EDARADD: variants seen among roughly 807,000 people sequenced by gnomAD.
The protein encoded by EDARADD is EDAR associated via death domain, also known as ectodysplasin-A receptor-associated adapter protein.
EDARADD carries 20 observed loss-of-function variants against 25.6 expected under a neutral mutation model. The observed-to-expected ratio is 0.78, with a 90% CI of 0.55 to 1.14. EDARADD has a LOEUF of 1.14. Ranked by LOEUF, EDARADD falls within the 50% of genes most tolerant of loss-of-function variation. The pLI is 0.00. For missense variants in EDARADD, 225 were observed against 270.1 expected, an observed-to-expected ratio of 0.83 and a Z score of 1.17; for synonymous variants, 86 against 94.4, an observed-to-expected ratio of 0.91 and a Z score of 0.52.
chr1:236,357,397 A>C (rs941300109), intron 3 of EDARADD, among the ~76,000 whole-genome samples: 2 of 152,158 alleles, frequency 1.3e-5, no homozygotes, highest in Non-Finnish European at 2.9e-5. Context: ...TCTGCGGGCT[A>C]TACAAGAAAC....
intron 3 of EDARADD, among the ~76,000 whole-genome samples, chr1:236,379,063 G>C (rs376085908): frequency 9.2e-5 from 14 of 152,234 alleles, no homozygotes; most frequent in African/African-American, 3.4e-4. Context: ...ATTATTGGAA[G>C]TTGCCCGTTT....
At chr1:236,480,322 T>C (rs935807441) in intron 5 of EDARADD, among the ~76,000 whole-genome samples, 1 of 151,946 alleles carries the variant, frequency 6.6e-6, no homozygotes, top group Admixed American at 6.6e-5. Context: ...CCTCTAACTG[T>C]AGACATTTTG....
chr1:236,370,006 C>A (rs1328067435), intron 3 of EDARADD, among the ~76,000 whole-genome samples: 3 of 152,144 alleles, frequency 2.0e-5, no homozygotes, highest in African/African-American at 7.2e-5. Flanking sequence ...TGTCTCACTG[C>A]CACCCAAGAC....
intron 4 of EDARADD, among the ~76,000 whole-genome samples, chr1:236,466,526 G>T (rs562956004): frequency 6.6e-6 from 1 of 151,996 alleles, no homozygotes; most frequent in Non-Finnish European, 1.5e-5. Flanking sequence ...TAAATGAAAA[G>T]AAATTGTATG....
chr1:236,466,401 T>C lies in EDARADD; in HGVS notation c.220-1830T>C, dbSNP rs898122640. Among the ~76,000 whole-genome samples, 4 of 148,890 alleles carry C rather than the reference T, an allele frequency of 2.7e-5. No individual in the cohort carries two copies. In the South Asian group the frequency reaches 8.6e-4, roughly 32 times the overall value. On this transcript the variant is annotated intron_variant, in intron 4 of 5. Coordinates refer to ENST00000334232, the MANE Select transcript of EDARADD (RefSeq NM_145861.4). ...TCTCTCTTTCTGTCTCTGTCCTTCA[T>C]CTGTTTCTCTCTTTCTCTCTCACTC...
intron 4 of EDARADD, among the ~76,000 whole-genome samples, chr1:236,442,992 A>G (rs646040): frequency 0.74 from 112,198 of 152,052 alleles, 43,527 homozygotes; most frequent in Non-Finnish European, 0.88. Context: ...TAATCTGTTC[A>G]TGGATTAATG....
At chr1:236,448,444 T>C (rs16833691) in intron 4 of EDARADD, among the ~76,000 whole-genome samples, 19,598 of 152,130 alleles carry the variant, frequency 0.13, 2,784 homozygotes, top group African/African-American at 0.35. Context: ...AGCCCCACCA[T>C]GGCGGTCAGG....
intron 3 of EDARADD, among the ~76,000 whole-genome samples, chr1:236,354,596 T>G (rs534901463): frequency 6.6e-6 from 1 of 152,322 alleles, no homozygotes; most frequent in East Asian, 1.9e-4. Context: ...ACACTCTTGC[T>G]AAACTCCCTA....
intron 1 of EDARADD, among the ~76,000 whole-genome samples, chr1:236,403,620 C>G (rs560329810): frequency 2.9e-4 from 44 of 152,316 alleles, no homozygotes; most frequent in African/African-American, 1.0e-3. Flanking sequence ...GAACTTTCAG[C>G]TTGGAGGTGC....
At chr1:236,455,040 T>C (rs993232679) in intron 4 of EDARADD, among the ~76,000 whole-genome samples, 1 of 152,030 alleles carries the variant, frequency 6.6e-6, no homozygotes, top group African/African-American at 2.4e-5. Context: ...TGAAACCCCA[T>C]CTCTACTAAG....
intron 1 of EDARADD, among the ~76,000 whole-genome samples, chr1:236,408,880 G>T (rs1667784838): frequency 6.6e-6 from 1 of 151,578 alleles, no homozygotes; most frequent in East Asian, 1.9e-4. Flanking sequence ...CAGCCTCCTG[G>T]GTAGCTGGGA....
chr1:236,362,976 T>A (rs1667066806), intron 3 of EDARADD, among the ~76,000 whole-genome samples: 1 of 87,124 alleles, frequency 1.1e-5, no homozygotes, highest in Non-Finnish European at 2.2e-5. Context: ...GACTCTGTCT[T>A]CTTTTTTTAA....
intron 4 of EDARADD, among the ~76,000 whole-genome samples, chr1:236,464,262 T>TTTTTTTG (rs1659122028): frequency 6.6e-6 from 1 of 150,876 alleles, no homozygotes; most frequent in African/African-American, 2.4e-5. Context: ...TATTTTTTTT[T>TTTTTTTG]TTTTGGAGAT....
intron 3 of EDARADD, among the ~76,000 whole-genome samples, chr1:236,375,286 A>G (rs1457084397): frequency 2.0e-5 from 3 of 152,218 alleles, no homozygotes; most frequent in African/African-American, 7.2e-5. Flanking sequence ...ATATATGTAT[A>G]TAAGCATACA....
intron 1 of EDARADD, among the ~76,000 whole-genome samples, chr1:236,405,744 T>TC (rs1181246031): frequency 4.1e-5 from 2 of 48,232 alleles, no homozygotes; most frequent in Non-Finnish European, 9.3e-5. Flanking sequence ...TTTCTTTCTT[T>TC]CTTTCTTTCT....
At chr1:236,351,038 C>T (rs988456569) in intron 3 of EDARADD, among the ~76,000 whole-genome samples, 5 of 152,014 alleles carry the variant, frequency 3.3e-5, no homozygotes, top group African/African-American at 7.2e-5. Context: ...ACTTGGGAGG[C>T]GGAGGCAGGA....
Position 236,395,220 on chromosome 1 carries a change from G to A in EDARADD, c.61+715G>A, listed in dbSNP as rs1667491904. ...CTTCGCTCGCAGTCTGTCCCGGGCGGCAGTCGTGTCAGCCCCCCGCTAGGA... is the reference window on the plus strand; with the variant it reads ...CTTCGCTCGCAGTCTGTCCCGGGCGACAGTCGTGTCAGCCCCCCGCTAGGA... On this transcript the variant is annotated intron_variant, in intron 1 of 5. Coordinates refer to ENST00000334232, the MANE Select transcript of EDARADD (RefSeq NM_145861.4). The surrounding 1 kb of genome is among the most constrained non-coding windows in gnomAD (Gnocchi z 6.9). Among the ~76,000 whole-genome samples the A allele has an allele frequency of 6.6e-6, 1 of 152,174 alleles. No homozygotes were observed. The highest frequency in any genetic ancestry group is 1.5e-5 in the Non-Finnish European group (1 of 68,018).
intron 1 of EDARADD, among the ~76,000 whole-genome samples, chr1:236,401,974 A>G (rs1667620162): frequency 6.6e-6 from 1 of 152,086 alleles, no homozygotes; most frequent in African/African-American, 2.4e-5. Context: ...CTTCTATTTT[A>G]TTTTGAGACC....
In EDARADD at chr1:236,468,263, A is replaced by G. The variant is rs1659270291; in HGVS notation, c.252A>G (p.Gly84=). The G allele has an allele frequency of 6.2e-7, 1 of 1,614,126 alleles. No homozygotes were observed. ...AAAATGGCTTTCCAGATAGCACTGGAGATCCTCTTCCAGGTAAATGATTGA... is the reference window on the plus strand; with the variant it reads ...AAAATGGCTTTCCAGATAGCACTGGGGATCCTCTTCCAGGTAAATGATTGA... ...GEENGFPDST[G]DPLPEISKDN... Residue 84 remains glycine, a synonymous_variant, in exon 5 of 6, where the codon GGA becomes GGG. Transcript: ENST00000334232.
Sources: allele counts gnomAD v4.1 joint callset (sites outside exome capture counted in the v4.1 genomes callset), GRCh38; gene constraint gnomAD v4.1.1; non-coding constraint Gnocchi (gnomAD v3.1); transcripts MANE v1.5; gene names NCBI Gene and HGNC (gene_info 2026-07-23, HGNC 2026-07-21).